CFAP299: variants seen among roughly 807,000 people sequenced by gnomAD.
CFAP299 encodes cilia and flagella associated protein 299.
A neutral mutation model predicts 27.0 loss-of-function variants in CFAP299; 21 were observed. The ratio of observed to expected loss-of-function variants is 0.78; its 90% CI spans 0.55 to 1.12. CFAP299 has a LOEUF of 1.12. Among genes scored for constraint, CFAP299 ranks in the 50% most tolerant of loss-of-function variants. CFAP299 has a pLI of 0.00. For missense variants in CFAP299, 310 were observed against 276.6 expected, an observed-to-expected ratio of 1.12 and a Z score of -0.86; for synonymous variants, 104 against 98.1, an observed-to-expected ratio of 1.06 and a Z score of -0.36.
intron 2 of CFAP299, among the ~76,000 whole-genome samples, chr4:80,511,008 C>G (rs1732269719): frequency 6.6e-6 from 1 of 152,206 alleles, no homozygotes; most frequent in Non-Finnish European, 1.5e-5. Context: ...TGAGAAGAAA[C>G]TTATTCAGAT....
At chr4:80,809,121 A>G (rs1560423501) in intron 3 of CFAP299, among the ~76,000 whole-genome samples, 1 of 152,104 alleles carries the variant, frequency 6.6e-6, no homozygotes, top group Non-Finnish European at 1.5e-5. Flanking sequence ...CCAACAAACT[A>G]TTTATAGCTG....
intron 3 of CFAP299, among the ~76,000 whole-genome samples, chr4:80,607,007 G>T (rs763326426): frequency 1.3e-5 from 2 of 152,286 alleles, no homozygotes; most frequent in East Asian, 3.9e-4. Context: ...CAGAAGGAAG[G>T]AAGGGAGAGA....
At chr4:80,775,711 G>A (rs1726497670) in intron 3 of CFAP299, among the ~76,000 whole-genome samples, 2 of 152,096 alleles carry the variant, frequency 1.3e-5, no homozygotes, top group South Asian at 4.1e-4. Context: ...TTGGACTTCT[G>A]AGAATTTTGG....
chr4:80,587,162 T>A (rs948065441), intron 3 of CFAP299, among the ~76,000 whole-genome samples: 2 of 152,126 alleles, frequency 1.3e-5, no homozygotes, highest in African/African-American at 4.8e-5. Context: ...TATACAGATG[T>A]TTATTTCTTT....
intron 3 of CFAP299, among the ~76,000 whole-genome samples, chr4:80,734,390 C>A (rs1388701445): frequency 1.3e-5 from 2 of 152,090 alleles, no homozygotes; most frequent in African/African-American, 4.8e-5. Context: ...GGGTATTTTG[C>A]AAATGGGTTC....
chr4:80,795,332 C>T (rs1322095733), intron 3 of CFAP299, among the ~76,000 whole-genome samples: 2 of 152,200 alleles, frequency 1.3e-5, no homozygotes, highest in Non-Finnish European at 2.9e-5. Context: ...TTTCTCCTTT[C>T]ATGCAAAGTA....
At chr4:80,922,527 G>T (rs1048400951) in intron 4 of CFAP299, among the ~76,000 whole-genome samples, 2 of 151,870 alleles carry the variant, frequency 1.3e-5, no homozygotes, top group African/African-American at 4.8e-5. Flanking sequence ...ATAATTTCTA[G>T]TTTATACTCC....
chr4:80,517,706 G>A (rs923709180), intron 2 of CFAP299, among the ~76,000 whole-genome samples: 1 of 151,938 alleles, frequency 6.6e-6, no homozygotes, highest in African/African-American at 2.4e-5. Context: ...GCAAGCCACA[G>A]ATCTATAGTT....
intron 4 of CFAP299, among the ~76,000 whole-genome samples, chr4:80,896,827 A>G (rs1734632243): frequency 6.6e-6 from 1 of 152,174 alleles, no homozygotes; most frequent in Non-Finnish European, 1.5e-5. Flanking sequence ...TAGAAGTGCT[A>G]TAATAATGTA....
At chr4:80,801,375 A>G (rs1728590479) in intron 3 of CFAP299, among the ~76,000 whole-genome samples, 1 of 152,058 alleles carries the variant, frequency 6.6e-6, no homozygotes, top group South Asian at 2.1e-4. Flanking sequence ...TTTTATCAAT[A>G]AAATGGGTAT....
chr4:80,567,807 A>T (rs1460013208), intron 2 of CFAP299, among the ~76,000 whole-genome samples: 1 of 151,284 alleles, frequency 6.6e-6, no homozygotes, highest in Non-Finnish European at 1.5e-5. Context: ...AAGTCTAGGA[A>T]ACCAATACAT....
intron 3 of CFAP299, among the ~76,000 whole-genome samples, chr4:80,746,594 T>C (rs1724611747): frequency 6.6e-6 from 1 of 151,980 alleles, no homozygotes; most frequent in Admixed American, 6.6e-5. Context: ...ATGAATCAGG[T>C]TGACGTAACT....
chr4:80,543,908 TG>T (rs577924220), intron 2 of CFAP299, among the ~76,000 whole-genome samples: 29 of 148,234 alleles, frequency 2.0e-4, no homozygotes, highest in African/African-American at 7.5e-4. Context: ...CCATGGTCAG[TG>T]GAAAAGAAAA....
intron 4 of CFAP299, among the ~76,000 whole-genome samples, chr4:80,892,868 T>C (rs1355578059): frequency 6.6e-5 from 10 of 152,028 alleles, no homozygotes; most frequent in African/African-American, 2.4e-4. Context: ...GTACTGAAAA[T>C]TCATGCCAGG....
Position 80,746,126 on chromosome 4 carries a change from T to G in CFAP299, c.334-123867T>G, listed in dbSNP as rs150531106. Among the ~76,000 whole-genome samples, 752 of 152,078 alleles carry G rather than the reference T, an allele frequency of 4.9e-3. 14 individuals are homozygous for G. The highest frequency in any genetic ancestry group is 0.017 in the African/African-American group (725 of 41,528). On this transcript the variant is annotated intron_variant, in intron 3 of 5. Coordinates refer to ENST00000358105, the MANE Select transcript of CFAP299 (RefSeq NM_152770.3). ...TCATGAGAGGCAAAAGAGACCTATATTTGAGTCTTGTTTCAACCACTTATT... is the reference window on the plus strand; with the variant it reads ...TCATGAGAGGCAAAAGAGACCTATAGTTGAGTCTTGTTTCAACCACTTATT...
At chr4:80,834,311 G>A (rs909753706) in intron 3 of CFAP299, among the ~76,000 whole-genome samples, 1 of 152,178 alleles carries the variant, frequency 6.6e-6, no homozygotes, top group Non-Finnish European at 1.5e-5. Flanking sequence ...CAAGGCAGTA[G>A]TCTCCTCATC....
intron 2 of CFAP299, among the ~76,000 whole-genome samples, chr4:80,557,239 C>T (rs1329345143): frequency 6.6e-6 from 1 of 151,926 alleles, no homozygotes; most frequent in Non-Finnish European, 1.5e-5. Flanking sequence ...TCTTATGTAC[C>T]CACCTCTTCC....
At chr4:80,523,596 C>T (rs990095383) in intron 2 of CFAP299, among the ~76,000 whole-genome samples, 7 of 151,982 alleles carry the variant, frequency 4.6e-5, no homozygotes, top group African/African-American at 1.7e-4. Context: ...TCATTCAATC[C>T]GTTGAGTTCA....
chr4:80,504,904 G>GAT (rs932940558), intron 2 of CFAP299, among the ~76,000 whole-genome samples: 1 of 147,594 alleles, frequency 6.8e-6, no homozygotes, highest in East Asian at 2.0e-4. Flanking sequence ...TCATATATAT[G>GAT]ATATATATAT....
Sources: allele counts gnomAD v4.1 joint callset (sites outside exome capture counted in the v4.1 genomes callset), GRCh38; gene constraint gnomAD v4.1.1; transcripts MANE v1.5; gene names NCBI Gene and HGNC (gene_info 2026-07-23, HGNC 2026-07-21).